The following RAB20 variants were observed in gnomAD, a reference collection of about 807,000 sequenced individuals.
The protein encoded by RAB20 is RAB20, member RAS oncogene family.
In RAB20, 2 loss-of-function variants were observed where a neutral mutation model predicts 3.7. The observed-to-expected ratio is 0.54, with a 90% CI of 0.22 to 1.69. The LOEUF (loss-of-function observed/expected upper bound fraction) is 1.69, where lower values mean the gene tolerates loss of function less well. Ranked by LOEUF, RAB20 falls within the 40% of genes most tolerant of loss-of-function variation. The pLI is 0.19. For missense variants in RAB20, 276 were observed against 311.9 expected, an observed-to-expected ratio of 0.88 and a Z score of 0.87; for synonymous variants, 126 against 130.8, an observed-to-expected ratio of 0.96 and a Z score of 0.25.
At chr13:110,557,194 G>A (rs1161015543) in intron 1 of RAB20, among the ~76,000 whole-genome samples, 1 of 152,228 alleles carries the variant, frequency 6.6e-6, no homozygotes, top group Non-Finnish European at 1.5e-5. Context: ...GGAGGATGTG[G>A]TGCCAGAGAG....
intron 1 of RAB20, among the ~76,000 whole-genome samples, chr13:110,528,413 C>CAG (rs1884469792): frequency 8.2e-6 from 1 of 122,448 alleles, no homozygotes; most frequent in African/African-American, 3.1e-5. Flanking sequence ...AACTCCATCT[C>CAG]AAAAAAAAAA....
In RAB20 at chr13:110,523,070, T is replaced by C; in HGVS notation, c.*595A>G. On this transcript the variant is annotated 3_prime_UTR_variant, in exon 2 of 2. Coordinates refer to ENST00000267328, the MANE Select transcript of RAB20 (RefSeq NM_017817.3). ...AGTCAGTTCAGTCTCAATACCTAAG[T>C]TGTTCCAAAAATCCTCTTTAATAAT... is the stretch of plus-strand genomic sequence containing the variant. 1 of 365,464 alleles carries C rather than the reference T, an allele frequency of 2.7e-6. No individual in the cohort carries two copies. The allele number at this position is 365,464 out of a possible 1,614,324, so 22.6% of individuals were successfully genotyped here. A position where few individuals can be genotyped will look rare whatever the true frequency, so the allele number is the denominator to read the frequency against.
Position 110,523,075 on chromosome 13 carries a change from C to A in RAB20, c.*590G>T, listed in dbSNP as rs781620166. Reference sequence around the variant, plus strand: ...GTTCAGTCTCAATACCTAAGTTGTTCCAAAAATCCTCTTTAATAATACATG... The same window carrying A: ...GTTCAGTCTCAATACCTAAGTTGTTACAAAAATCCTCTTTAATAATACATG... On this transcript the variant is annotated 3_prime_UTR_variant, in exon 2 of 2. Transcript: ENST00000267328. 24 of 371,538 alleles carry A rather than the reference C, an allele frequency of 6.5e-5. No individual in the cohort carries two copies. The highest frequency in any genetic ancestry group is 3.9e-4 in the East Asian group (10 of 25,786). 23.0% of individuals were successfully genotyped at this position (371,538 alleles called of 1,614,324 possible). A position where few individuals can be genotyped will look rare whatever the true frequency, so the allele number is the denominator to read the frequency against.
chr13:110,539,812 A>T (rs898668190), intron 1 of RAB20, among the ~76,000 whole-genome samples: 1 of 152,098 alleles, frequency 6.6e-6, no homozygotes, highest in Non-Finnish European at 1.5e-5. Flanking sequence ...CACCCGCCTC[A>T]GCCTCCCAAG....
chr13:110,554,162 C>T (rs186415841), intron 1 of RAB20, among the ~76,000 whole-genome samples: 6 of 152,240 alleles, frequency 3.9e-5, no homozygotes, highest in African/African-American at 1.2e-4. Context: ...CCTGGCTCCA[C>T]GTGTTTTGCA....
At position 110,526,753 on chromosome 13, in the gene RAB20, C is replaced by A. The variant is rs1272223565; in HGVS notation, c.173-2556G>T. ...AACAGGGCCAGCAGGTGCTTCCATC[C>A]GCATGCCAGATGCCTCAGACACTCC... On this transcript the variant is annotated intron_variant, in intron 1 of 1. Transcript: ENST00000267328. Among the ~76,000 whole-genome samples, 3 of 152,202 alleles carry A rather than the reference C, an allele frequency of 2.0e-5. No individual in the cohort carries two copies. The South Asian group carries it at 6.2e-4, about 32-fold the overall frequency.
chr13:110,554,918 C>T (rs1448389830), intron 1 of RAB20, among the ~76,000 whole-genome samples: 18 of 152,026 alleles, frequency 1.2e-4, no homozygotes, highest in Non-Finnish European at 2.5e-4. Flanking sequence ...TACTCTAGGT[C>T]CTGAGCCAAG....
At chr13:110,554,048 G>GA (rs1360749075) in intron 1 of RAB20, among the ~76,000 whole-genome samples, 2 of 152,138 alleles carry the variant, frequency 1.3e-5, no homozygotes, top group Non-Finnish European at 2.9e-5. Context: ...CTGGGAGTTT[G>GA]AAGTTACAGT....
rs1472496111 is a variant in RAB20 at position 110,523,145 on chromosome 13, A to G, written c.*520T>C. ...CAGTATAAAAACAAAGTTATTCCTGATTTTGTATAAATGAACACGTCGAGA... is the reference window on the plus strand; with the variant it reads ...CAGTATAAAAACAAAGTTATTCCTGGTTTTGTATAAATGAACACGTCGAGA... On this transcript the variant is annotated 3_prime_UTR_variant, in exon 2 of 2. Coordinates refer to ENST00000267328, the MANE Select transcript of RAB20 (RefSeq NM_017817.3). 1 of 399,336 alleles carries G rather than the reference A, an allele frequency of 2.5e-6. No individual in the cohort carries two copies. Among genetic ancestry groups the G allele is most frequent in the Non-Finnish European group, 4.4e-6 (1 of 227,158 alleles). 24.7% of individuals were successfully genotyped at this position (399,336 alleles called of 1,614,324 possible). A position where few individuals can be genotyped will look rare whatever the true frequency, so the allele number is the denominator to read the frequency against.
At chr13:110,558,489 T>G (rs9301463) in intron 1 of RAB20, among the ~76,000 whole-genome samples, 8,058 of 150,518 alleles carry the variant, frequency 0.054, 647 homozygotes, top group African/African-American at 0.18. Flanking sequence ...GTTCAAGCGA[T>G]TCTCCTGCCA....
At chr13:110,533,521 A>C (rs948155599) in intron 1 of RAB20, among the ~76,000 whole-genome samples, 1 of 54,514 alleles carries the variant, frequency 1.8e-5, no homozygotes, top group African/African-American at 1.1e-4. Flanking sequence ...TATCTCTACA[A>C]AAAAAAATTT....
chr13:110,524,879 C>T (rs1168679005), intron 1 of RAB20, among the ~76,000 whole-genome samples: 2 of 152,232 alleles, frequency 1.3e-5, no homozygotes, highest in African/African-American at 2.4e-5. Flanking sequence ...CCCCAGCATT[C>T]GCACTTCTTG....
intron 1 of RAB20, among the ~76,000 whole-genome samples, chr13:110,541,199 T>G (rs376501787): frequency 1.3e-5 from 2 of 152,196 alleles, no homozygotes; most frequent in African/African-American, 4.8e-5. Context: ...CTCCACCTGG[T>G]CACGGTCACG....
intron 1 of RAB20, among the ~76,000 whole-genome samples, chr13:110,545,026 C>G (rs1884828997): frequency 6.6e-6 from 1 of 152,162 alleles, no homozygotes; most frequent in Non-Finnish European, 1.5e-5. Context: ...CTCTTGCCGC[C>G]ACCATGTAAG....
intron 1 of RAB20, among the ~76,000 whole-genome samples, chr13:110,548,226 G>C (rs1248330409): frequency 6.6e-6 from 1 of 151,662 alleles, no homozygotes; most frequent in South Asian, 2.1e-4. Flanking sequence ...GCTCACACCT[G>C]TCATTCCAGC....
intron 1 of RAB20, among the ~76,000 whole-genome samples, chr13:110,552,540 A>G (rs914899871): frequency 9.9e-5 from 15 of 151,420 alleles, no homozygotes; most frequent in Middle Eastern, 3.4e-3. Context: ...AAAAATACAA[A>G]AAATTAGCTG....
At chr13:110,537,351 G>A (rs1053255351) in intron 1 of RAB20, among the ~76,000 whole-genome samples, 2 of 151,740 alleles carry the variant, frequency 1.3e-5, no homozygotes, top group Non-Finnish European at 2.9e-5. Context: ...CCAGTATAAG[G>A]AATAAGCAAT....
chr13:110,554,198 T>C (rs1375967741), intron 1 of RAB20, among the ~76,000 whole-genome samples: 1 of 152,184 alleles, frequency 6.6e-6, no homozygotes, highest in East Asian at 1.9e-4. Context: ...TTTGCACCAA[T>C]CTCTCAAGGC....
At chr13:110,537,918 A>G (rs2391837) in intron 1 of RAB20, among the ~76,000 whole-genome samples, 50,545 of 151,804 alleles carry the variant, frequency 0.33, 9,306 homozygotes, top group African/African-American at 0.49. Flanking sequence ...CAGGGCTCCT[A>G]TTCCCAACAA....
Sources: allele counts gnomAD v4.1 joint callset (sites outside exome capture counted in the v4.1 genomes callset), GRCh38; gene constraint gnomAD v4.1.1; transcripts MANE v1.5; gene names NCBI Gene and HGNC (gene_info 2026-07-23, HGNC 2026-07-21).